The following TMEM230 variants were observed in gnomAD, a reference collection of about 807,000 sequenced individuals.
TMEM230 encodes UPF0414 transmembrane protein C20orf30.
A neutral mutation model predicts 15.8 loss-of-function variants in TMEM230; 10 were observed. That is an observed-to-expected ratio of 0.63 (90% CI 0.39 to 1.07). The LOEUF is 1.07. Ranked by LOEUF, TMEM230 falls within the 50% of genes least tolerant of loss-of-function variation. The pLI is 0.01. For synonymous variants in TMEM230, 67 were observed against 76.9 expected (o/e 0.87, Z 0.68); for missense variants, 165 against 193.3 (o/e 0.85, Z 0.87).
chr20:5,103,347 C>T (rs982058520), intron 4 of TMEM230, among the ~76,000 whole-genome samples: 5 of 152,064 alleles, frequency 3.3e-5, no homozygotes, highest in African/African-American at 1.2e-4. Context: ...ACCTGTAACT[C>T]CAGCTACTTG....
chr20:5,103,088 G>C (rs2089934916), intron 4 of TMEM230, among the ~76,000 whole-genome samples: 1 of 152,192 alleles, frequency 6.6e-6, no homozygotes, highest in Admixed American at 6.5e-5. Flanking sequence ...CATCCACCGG[G>C]TGTGGTGGCT....
rs765125771 is a variant in TMEM230 at position 5,081,999 on chromosome 20, G to A, written c.223-12650C>T. ...AGCAATTCTCCTGCCTCAGCCTCCC[G>A]GGTAGCTGGGATTACAGGCACCCAC... On this transcript the variant is annotated intron_variant, in intron 3 of 3. Coordinates refer to the TMEM230 transcript ENST00000612323. 7.6e-5 allele frequency among the ~76,000 whole-genome samples: 11 copies of A among 143,838 alleles called. 1 individual carries two copies. The South Asian group carries it at 1.1e-3, about 15-fold the overall frequency. The allele number at this position is 143,838 out of a possible 152,430, so 94.4% of individuals were successfully genotyped here.
At chr20:5,078,316 T>C (rs914751723) in intron 3 of TMEM230, among the ~76,000 whole-genome samples, 2 of 152,342 alleles carry the variant, frequency 1.3e-5, no homozygotes, top group East Asian at 1.9e-4. Context: ...TTACAAGTTA[T>C]GTAGCCGGTC....
intron 3 of TMEM230, among the ~76,000 whole-genome samples, chr20:5,089,374 CA>C (rs11357562): frequency 0.56 from 79,558 of 142,430 alleles, 21,818 homozygotes; most frequent in East Asian, 0.84. Context: ...GAATCTGTTC[CA>C]AAAAAAAAAA....
chr20:5,061,559 A>C, the TMEM230 span, among the ~76,000 whole-genome samples: 2 of 151,914 alleles, frequency 1.3e-5, no homozygotes, highest in Non-Finnish European at 2.9e-5. Context: ...TGTCCTCCCT[A>C]TTTCAGAGGC....
At chr20:5,071,640 A>AG (rs1406685034) in intron 3 of TMEM230, among the ~76,000 whole-genome samples, 2 of 76 alleles carry the variant, frequency 0.026, no homozygotes, top group Admixed American at 0.33. Flanking sequence ...AAAAAAAAAC[A>AG]AAAAGGGTAC....
At chr20:5,101,172 T>G (rs900817991) in intron 4 of TMEM230, among the ~76,000 whole-genome samples, 9 of 152,086 alleles carry the variant, frequency 5.9e-5, no homozygotes, top group Non-Finnish European at 1.5e-5. Context: ...TTCTTTTCCT[T>G]TTTTTAAAGC....
downstream of TMEM230, among the ~76,000 whole-genome samples, chr20:5,095,109 T>C (rs978589152): frequency 5.9e-5 from 9 of 152,218 alleles, no homozygotes; most frequent in Admixed American, 3.3e-4. Flanking sequence ...ACATTAATTC[T>C]AGAGAAAACC....
intron 4 of TMEM230, 59 bp downstream of exon 3, chr20:5,106,129 G>A: frequency 1.3e-6 from 2 of 1,554,888 alleles, no homozygotes; most frequent in Non-Finnish European, 8.7e-7. Context: ...ACGCACACTA[G>A]AGCCTTGGCT....
chr20:5,073,001 A>C (rs1046608844), intron 3 of TMEM230, among the ~76,000 whole-genome samples: 1 of 152,100 alleles, frequency 6.6e-6, no homozygotes, highest in African/African-American at 2.4e-5. Context: ...GAGATTATGA[A>C]GGAGGTGCTT....
At chr20:5,074,664 C>T (rs1193179550) in intron 3 of TMEM230, among the ~76,000 whole-genome samples, 1 of 151,160 alleles carries the variant, frequency 6.6e-6, no homozygotes, top group Non-Finnish European at 1.5e-5. Context: ...GGAGACCGGG[C>T]ATGGTGGTAC....
At chr20:5,101,910 C>T (rs116468543) in intron 4 of TMEM230, among the ~76,000 whole-genome samples, 292 of 152,340 alleles carry the variant, frequency 1.9e-3, no homozygotes, top group African/African-American at 6.8e-3. Flanking sequence ...ACTTACGAGG[C>T]ACAGTGACCC....
Position 5,106,776 on chromosome 20 carries a change from G to A in TMEM230, c.289-466C>T, listed in dbSNP as rs559534580. 8.7e-4 allele frequency among the ~76,000 whole-genome samples: 133 copies of A among 152,272 alleles called. 2 individuals carry two copies. The highest frequency in any genetic ancestry group is 3.1e-3 in the African/African-American group (127 of 41,560). On this transcript the variant is annotated intron_variant, in intron 3 of 4. Coordinates refer to ENST00000342308, the MANE Select transcript of TMEM230 (RefSeq NM_001009923.2). ...GCTGGAGTGCAGTGGTGCAATTACA[G>A]CTCATTGCAGCCTCGAACTCCTGGG...
rs537893854 is a variant in TMEM230, at chr20:5,069,077, A to G, written c.*111T>C. 5.8e-5 allele frequency: 54 copies of G among 932,918 alleles called. No homozygotes were observed. In the African/African-American group the frequency reaches 8.2e-4, roughly 14 times the overall value. The allele number at this position is 932,918 out of a possible 1,614,324, so 57.8% of individuals were successfully genotyped here. A position where few individuals can be genotyped will look rare whatever the true frequency, so the allele number is the denominator to read the frequency against. ...CACATATCCTGCTCTTAGTAGGAGA[A>G]GCTCTCTGCTGCATTTTACAATCAG... is the stretch of plus-strand genomic sequence containing the variant. On this transcript the variant is annotated 3_prime_UTR_variant, in exon 4 of 4. Transcript: ENST00000612323.
downstream of TMEM230, among the ~76,000 whole-genome samples, chr20:5,097,801 A>C (rs2089707521): frequency 6.6e-6 from 1 of 151,514 alleles, no homozygotes; most frequent in African/African-American, 2.4e-5. Context: ...CACCCAGCTA[A>C]TTTTTGTATT....
rs368707598 is a variant in TMEM230 at position 5,100,859 on chromosome 20, T to C, written c.484A>G (p.Ile162Val). Residue 162 changes from isoleucine to valine, a missense_variant, in exon 5 of 5, where the codon ATC (isoleucine) becomes GTC (valine). Ile to Val is a conservative substitution (Grantham distance 29, BLOSUM62 3). Transcript: ENST00000342308. The stretch of plus-strand genomic sequence containing the variant: ...TAGCCTTTGGATGCATAGTAAGCGA[T>C]GCGCAGGTGGTAAAATCCGGGTAGG... 19 of 1,614,074 alleles carry C rather than the reference T, an allele frequency of 1.2e-5. No individual in the cohort carries two copies. Among genetic ancestry groups the C allele is most frequent in the Non-Finnish European group, 1.4e-5 (17 of 1,180,030 alleles).
At chr20:5,069,461 C>T (rs2122533312) in intron 3 of TMEM230, 1 of 1,101,452 alleles carries the variant, frequency 9.1e-7, no homozygotes, top group South Asian at 1.6e-5. Flanking sequence ...CTCCACAACA[C>T]TTCCTGAAGG....
intron 3 of TMEM230, among the ~76,000 whole-genome samples, chr20:5,070,525 C>T (rs2088789576): frequency 1.3e-5 from 2 of 152,226 alleles, no homozygotes; most frequent in East Asian, 1.9e-4. Flanking sequence ...TCTTGATCAC[C>T]GAGGAGTCTT....
At chr20:5,092,324 C>G (rs180893490) in intron 3 of TMEM230, among the ~76,000 whole-genome samples, 2 of 152,280 alleles carry the variant, frequency 1.3e-5, no homozygotes, top group African/African-American at 4.8e-5. Flanking sequence ...CGCTTTTGGT[C>G]TCACTGTGGT....
Sources: allele counts gnomAD v4.1 joint callset (sites outside exome capture counted in the v4.1 genomes callset), GRCh38; gene constraint gnomAD v4.1.1; transcripts MANE v1.5; gene names NCBI Gene and HGNC (gene_info 2026-07-23, HGNC 2026-07-21).